DTHD1: variants seen among roughly 807,000 people sequenced by gnomAD.
DTHD1 encodes the protein death domain containing 1, also known as death domain-containing protein 1.
DTHD1 carries 59 observed loss-of-function variants against 74.8 expected under a neutral mutation model. The ratio of observed to expected loss-of-function variants is 0.79; its 90% confidence interval spans 0.64 to 0.98. The LOEUF (loss-of-function observed/expected upper bound fraction) is 0.98. Ranked by LOEUF, DTHD1 falls within the 50% of genes least tolerant of loss-of-function variation. DTHD1 has a pLI of 0.00. For missense variants in DTHD1, 1,051 were observed against 1,065.4 expected, an observed-to-expected ratio of 0.99 and a Z score of 0.19; for synonymous variants, 365 against 371.1, an observed-to-expected ratio of 0.98 and a Z score of 0.19.
intron 5 of DTHD1, among the ~76,000 whole-genome samples, chr4:36,302,042 TG>T (rs33923317): frequency 0.012 from 1,794 of 152,218 alleles, 36 homozygotes; most frequent in African/African-American, 0.04. Flanking sequence ...GGGGCCAGGG[TG>T]CGGGGGCCCA....
At chr4:36,319,616 G>A (rs1757944084) in intron 8 of DTHD1, among the ~76,000 whole-genome samples, 1 of 152,238 alleles carries the variant, frequency 6.6e-6, no homozygotes, top group Non-Finnish European at 1.5e-5. Flanking sequence ...TTACTGAGAT[G>A]ATGGCAGACC....
intron 8 of DTHD1, among the ~76,000 whole-genome samples, chr4:36,338,419 T>C (rs188391374): frequency 5.3e-4 from 81 of 152,196 alleles, no homozygotes; most frequent in African/African-American, 1.7e-3. Flanking sequence ...CTATGAACAT[T>C]TGTGTGCAAG....
At chr4:36,334,274 A>G (rs902857673) in intron 8 of DTHD1, among the ~76,000 whole-genome samples, 2 of 151,862 alleles carry the variant, frequency 1.3e-5, no homozygotes, top group Non-Finnish European at 2.9e-5. Flanking sequence ...TCCAAGTGTG[A>G]GCTTCCCTTT....
chr4:36,332,868 T>C (rs991732117), intron 8 of DTHD1: 8 of 152,120 alleles, frequency 5.3e-5, no homozygotes, highest in Non-Finnish European at 7.4e-5. Flanking sequence ...AAAGCAAAGT[T>C]TATATAACTC....
chr4:36,306,573 C>T (rs1757066107), intron 6 of DTHD1, among the ~76,000 whole-genome samples: 1 of 152,196 alleles, frequency 6.6e-6, no homozygotes, highest in African/African-American at 2.4e-5. Flanking sequence ...GCACTCATAA[C>T]TACAGGTTTC....
intron 3 of DTHD1, 134 bp downstream of exon 3, chr4:36,290,837 T>C (rs1756035409): frequency 5.4e-6 from 4 of 734,266 alleles, no homozygotes; most frequent in Non-Finnish European, 8.7e-6. Context: ...TTTGTGCCAG[T>C]GCGTTCACAG....
intron 8 of DTHD1, chr4:36,333,939 T>G (rs954982462): frequency 2.0e-5 from 3 of 152,208 alleles, no homozygotes; most frequent in Non-Finnish European, 4.4e-5. Context: ...AGCTAGGTCA[T>G]CTGCGTGATT....
At chr4:36,329,596 G>A (rs1157164232) in intron 8 of DTHD1, among the ~76,000 whole-genome samples, 2 of 152,150 alleles carry the variant, frequency 1.3e-5, no homozygotes, top group African/African-American at 2.4e-5. Context: ...AGTTTATACT[G>A]AATGATATGA....
chr4:36,300,483 T>C (rs1578448922), intron 5 of DTHD1, among the ~76,000 whole-genome samples: 1 of 152,222 alleles, frequency 6.6e-6, no homozygotes, highest in East Asian at 1.9e-4. Context: ...GTTGCTCCCT[T>C]AGCTGCAACC....
intron 8 of DTHD1, among the ~76,000 whole-genome samples, chr4:36,319,653 G>C (rs1383738396): frequency 6.6e-6 from 1 of 152,240 alleles, no homozygotes; most frequent in Non-Finnish European, 1.5e-5. Flanking sequence ...TTATGTCAGA[G>C]ACGACAGACA....
At chr4:36,335,014 G>C (rs1758928332) in intron 8 of DTHD1, among the ~76,000 whole-genome samples, 1 of 152,124 alleles carries the variant, frequency 6.6e-6, no homozygotes, top group African/African-American at 2.4e-5. Context: ...TGTCTAATTG[G>C]GGAGGGAAAA....
At chr4:36,285,994 C>A (rs1271880599) in intron 2 of DTHD1, among the ~76,000 whole-genome samples, 1 of 152,156 alleles carries the variant, frequency 6.6e-6, no homozygotes, top group East Asian at 1.9e-4. Context: ...GTGTATGATA[C>A]CATTTTGAGG....
intron 7 of DTHD1, 83 bp from the exon 8 acceptor site, chr4:36,316,159 T>C: frequency 7.7e-7 from 1 of 1,304,580 alleles, no homozygotes; most frequent in Non-Finnish European, 1.0e-6. Flanking sequence ...ATGGTCTCGA[T>C]CTCCTGACCT....
chr4:36,303,635 A>G (rs76701631), intron 5 of DTHD1, among the ~76,000 whole-genome samples: 3,262 of 152,294 alleles, frequency 0.021, 122 homozygotes, highest in African/African-American at 0.075. Context: ...ATGAATATGC[A>G]TAAAAGTGCA....
intron 8 of DTHD1, among the ~76,000 whole-genome samples, chr4:36,335,569 T>A (rs73121606): frequency 0.04 from 6,114 of 152,224 alleles, 397 homozygotes; most frequent in African/African-American, 0.14. Flanking sequence ...ACACCTTACC[T>A]ACTATGATGT....
At chr4:36,303,982 G>A (rs1250349038) in intron 5 of DTHD1, among the ~76,000 whole-genome samples, 1 of 152,134 alleles carries the variant, frequency 6.6e-6, no homozygotes, top group Non-Finnish European at 1.5e-5. Flanking sequence ...TAGTCACTTG[G>A]CCCCACTCAA....
chr4:36,293,835 G>A (rs756736754), intron 4 of DTHD1, 130 bp downstream of exon 4: 3 of 706,102 alleles, frequency 4.2e-6, no homozygotes, highest in South Asian at 4.0e-5. Context: ...TAGTTGTAAC[G>A]GCCTAATATA....
intron 8 of DTHD1, 115 bp downstream of exon 8, chr4:36,316,601 A>C: frequency 4.5e-6 from 5 of 1,108,874 alleles, no homozygotes; most frequent in Non-Finnish European, 6.2e-6. Context: ...GTAAGAATAG[A>C]GGTAATAAAG....
chr4:36,329,779 G>T (rs1008367630), intron 8 of DTHD1, among the ~76,000 whole-genome samples: 17 of 152,164 alleles, frequency 1.1e-4, no homozygotes, highest in African/African-American at 4.1e-4. Flanking sequence ...TCAGGTTGTT[G>T]TTAACATGTT....
Sources: gnomAD v4.1 joint callset for allele counts (sites outside exome capture counted in the v4.1 genomes callset) on GRCh38, gnomAD v4.1.1 for gene constraint, MANE v1.5 for transcripts, NCBI Gene and HGNC (gene_info 2026-07-23, HGNC 2026-07-21) for gene names.